Variants in RSF1 observed in about 807,000 individuals in gnomAD.
The protein encoded by RSF1 is remodeling and spacing factor 1.
RSF1 carries 13 observed loss-of-function variants against 145.2 expected under a neutral mutation model. The ratio of observed to expected loss-of-function variants is 0.09; its 90% CI spans 0.06 to 0.14. RSF1 has a LOEUF of 0.14. Among genes scored for constraint, RSF1 ranks in the 10% least tolerant of loss-of-function variants. The pLI is 1.00. For missense variants in RSF1, 1,517 were observed against 1,718.2 expected, an observed-to-expected ratio of 0.88 and a Z score of 2.07; for synonymous variants, 577 against 592.6, an observed-to-expected ratio of 0.97 and a Z score of 0.38.
At position 77,808,603 on chromosome 11, in the gene RSF1, G is replaced by A. The variant is rs1292805231; in HGVS notation, c.187+11925C>T. ...GGCTGGAGTGCAGTGGCGGGATCTC[G>A]GCTCACTGCAAGCTCCGCCTCCCGG... On this transcript the variant is annotated intron_variant, in intron 1 of 15. Transcript: ENST00000308488. Among the ~76,000 whole-genome samples the A allele has an allele frequency of 2.7e-4, 22 of 80,514 alleles. 2 individuals are homozygous for A. Among genetic ancestry groups the A allele is most frequent in the South Asian group, 8.3e-4 (2 of 2,402 alleles). The allele number at this position is 80,514 out of a possible 152,430, so 52.8% of individuals were successfully genotyped here. A position where few individuals can be genotyped will look rare whatever the true frequency, so the allele number is the denominator to read the frequency against.
At chr11:77,760,917 C>CT (rs368459410) in intron 2 of RSF1, among the ~76,000 whole-genome samples, 76 of 146,216 alleles carry the variant, frequency 5.2e-4, no homozygotes, top group East Asian at 1.4e-3. Context: ...TATTTTCTTT[C>CT]TTTTTTTTTT....
the RSF1 span, among the ~76,000 whole-genome samples, chr11:77,848,603 G>T: frequency 6.6e-6 from 1 of 152,106 alleles, no homozygotes; most frequent in African/African-American, 2.4e-5. Flanking sequence ...CAGGTGATCC[G>T]CCTGCTTTGA....
chr11:77,674,814 A>G (rs1337642415), intron 14 of RSF1, among the ~76,000 whole-genome samples: 1 of 152,122 alleles, frequency 6.6e-6, no homozygotes, highest in African/African-American at 2.4e-5. Flanking sequence ...AGCCTGGCCA[A>G]CATGGAGAAA....
chr11:77,822,266 C>CTTT (rs1269053602), upstream of RSF1, among the ~76,000 whole-genome samples: 2 of 151,706 alleles, frequency 1.3e-5, no homozygotes, highest in East Asian at 3.9e-4. Flanking sequence ...ATGGTGAAAC[C>CTTT]CCGTCTCTAG....
At chr11:77,754,839 C>A (rs575991647) in intron 2 of RSF1, among the ~76,000 whole-genome samples, 1 of 152,074 alleles carries the variant, frequency 6.6e-6, no homozygotes, top group East Asian at 1.9e-4. Context: ...TATAGCGGTA[C>A]ACATCTATAA....
the RSF1 span, among the ~76,000 whole-genome samples, chr11:77,862,323 A>G: frequency 1.3e-5 from 2 of 152,230 alleles, no homozygotes; most frequent in Non-Finnish European, 2.9e-5. Context: ...ATTTAGCAGT[A>G]ACATTATATC....
rs1191032633 is a variant in RSF1, at chr11:77,665,763, C to A, written c.*1154G>T. 1 of 146,222 alleles carries A rather than the reference C, an allele frequency of 6.8e-6. No homozygotes were observed. The highest frequency in any genetic ancestry group is 6.9e-5 in the Admixed American group (1 of 14,480). The allele number at this position is 146,222 out of a possible 1,614,324, so 9.1% of individuals were successfully genotyped here. On this transcript the variant is annotated 3_prime_UTR_variant, in exon 16 of 16. Coordinates refer to ENST00000308488, the MANE Select transcript of RSF1 (RefSeq NM_016578.4). The stretch of plus-strand genomic sequence containing the variant: ...GGCAGATAGGAAATTCCAACACACA[C>A]ACACACGCACACGCACACACACAAA...
intron 2 of RSF1, among the ~76,000 whole-genome samples, chr11:77,750,539 C>T (rs1014987459): frequency 2.6e-5 from 4 of 152,162 alleles, no homozygotes; most frequent in African/African-American, 9.7e-5. Flanking sequence ...AGACAGGTAC[C>T]AGGCAGGATG....
At chr11:77,722,816 G>A (rs1378987284) in intron 5 of RSF1, among the ~76,000 whole-genome samples, 2 of 152,130 alleles carry the variant, frequency 1.3e-5, no homozygotes, top group Non-Finnish European at 2.9e-5. Context: ...TCTACTATAA[G>A]GCCCCACAAA....
rs571147830 is a variant in RSF1 at position 77,771,793 on chromosome 11, T to C, written c.188-7104A>G. ...AAAATGTCCATAGGATAGAGATTAC[T>C]TTGGCTGCACTGTGAGGAACAAATT... On this transcript the variant is annotated intron_variant, in intron 1 of 15. Coordinates refer to ENST00000308488, the MANE Select transcript of RSF1 (RefSeq NM_016578.4). 5.9e-5 allele frequency among the ~76,000 whole-genome samples: 9 copies of C among 152,324 alleles called. No homozygotes were observed. In the South Asian group the frequency reaches 1.9e-3, roughly 32 times the overall value.
At chr11:77,761,410 T>C (rs1201007430) in intron 2 of RSF1, among the ~76,000 whole-genome samples, 24 of 152,154 alleles carry the variant, frequency 1.6e-4, no homozygotes, top group Admixed American at 1.6e-3. Flanking sequence ...CCTATTTACT[T>C]AGAAATTATT....
intron 1 of RSF1, among the ~76,000 whole-genome samples, chr11:77,811,699 T>G (rs188297660): frequency 2.0e-5 from 3 of 152,246 alleles, no homozygotes; most frequent in Admixed American, 2.0e-4. Flanking sequence ...TTGGCGTGAT[T>G]AAAACTAGCA....
intron 1 of RSF1, among the ~76,000 whole-genome samples, chr11:77,797,454 G>C (rs2135973251): frequency 1.3e-5 from 2 of 152,288 alleles, no homozygotes; most frequent in Middle Eastern, 6.8e-3. Context: ...AAACTGGCTA[G>C]CCATATGCAG....
intron 4 of RSF1, among the ~76,000 whole-genome samples, chr11:77,730,676 G>A (rs3949117): frequency 0.18 from 26,863 of 152,130 alleles, 2,966 homozygotes; most frequent in African/African-American, 0.29. Flanking sequence ...GGAACCCAGT[G>A]GGAGGTGATT....
chr11:77,728,399 G>C (rs1036741157), intron 4 of RSF1, among the ~76,000 whole-genome samples: 3 of 152,142 alleles, frequency 2.0e-5, no homozygotes, highest in Admixed American at 6.5e-5. Flanking sequence ...CAAATGGCTG[G>C]GCGTGGTGGC....
the RSF1 span, among the ~76,000 whole-genome samples, chr11:77,868,058 C>CTT: frequency 0.15 from 20,323 of 136,984 alleles, 1,658 homozygotes; most frequent in Admixed American, 0.21. Context: ...TCCTCTGAGC[C>CTT]TTTTTTTTTT....
intron 5 of RSF1, among the ~76,000 whole-genome samples, chr11:77,717,167 C>CA (rs1960833694): frequency 1.6e-5 from 1 of 64,302 alleles, no homozygotes; most frequent in South Asian, 3.7e-4. Context: ...AAAAAAAAAA[C>CA]AAAAACCAAA....
At chr11:77,717,428 A>G (rs747601302) in intron 5 of RSF1, among the ~76,000 whole-genome samples, 1 of 152,158 alleles carries the variant, frequency 6.6e-6, no homozygotes, top group Non-Finnish European at 1.5e-5. Flanking sequence ...CTGGATGGCC[A>G]TAAGAACTGT....
At chr11:77,771,054 T>C (rs1948279943) in intron 1 of RSF1, among the ~76,000 whole-genome samples, 1 of 152,188 alleles carries the variant, frequency 6.6e-6, no homozygotes, top group Non-Finnish European at 1.5e-5. Context: ...CTTTCTATTC[T>C]TTCTAACTCA....
Sources: gnomAD v4.1 joint callset for allele counts (sites outside exome capture counted in the v4.1 genomes callset) on GRCh38, gnomAD v4.1.1 for gene constraint, MANE v1.5 for transcripts, NCBI Gene and HGNC (gene_info 2026-07-23, HGNC 2026-07-21) for gene names.